Variants in SLC4A4 observed in about 807,000 individuals in gnomAD.
SLC4A4 encodes solute carrier family 4 member 4.
In SLC4A4, 27 loss-of-function variants were observed where a neutral mutation model predicts 111.5. The observed-to-expected ratio is 0.24, with a 90% CI of 0.18 to 0.33. The LOEUF is 0.33. Among genes scored for constraint, SLC4A4 ranks in the 10% least tolerant of loss-of-function variants. The pLI, the probability that SLC4A4 is intolerant of heterozygous loss-of-function variation, is 1.00. For missense variants in SLC4A4, 909 were observed against 1,315.5 expected (o/e 0.69, Z 4.78); for synonymous variants, 443 against 463.4 (o/e 0.96, Z 0.57).
intron 2 of SLC4A4, among the ~76,000 whole-genome samples, chr4:71,164,525 T>A (rs1207273690): frequency 1.4e-5 from 2 of 142,652 alleles, no homozygotes; most frequent in Non-Finnish European, 3.0e-5. Context: ...GTTAGTTTAC[T>A]TTGTGGAAAG....
At chr4:71,134,750 C>T (rs1319353692) in intron 2 of SLC4A4, among the ~76,000 whole-genome samples, 1 of 152,170 alleles carries the variant, frequency 6.6e-6, no homozygotes, top group Admixed American at 6.5e-5. Context: ...TGGTCTTTTG[C>T]AAAGTCCACA....
At position 71,305,759 on chromosome 4, in the gene SLC4A4, G is replaced by C. The variant is rs576094132; in HGVS notation, c.254-33611G>C. On this transcript the variant is annotated intron_variant, in intron 3 of 25. Coordinates refer to ENST00000264485, the MANE Select transcript of SLC4A4 (RefSeq NM_001098484.3). ...ACACTGTACGAGGAATCTAGGAACT[G>C]GAAAAGGAGCTAACACGTGGCGTCT... Among the ~76,000 whole-genome samples the C allele has an allele frequency of 2.0e-5, 3 of 152,298 alleles. No individual in the cohort carries two copies. The East Asian group carries it at 5.8e-4, about 29-fold the overall frequency.
chr4:71,200,852 C>T (rs527538655), intron 1 of SLC4A4, among the ~76,000 whole-genome samples: 3 of 151,638 alleles, frequency 2.0e-5, no homozygotes, highest in Non-Finnish European at 4.4e-5. Context: ...ACACACCCCA[C>T]GAATATCTGG....
chr4:71,314,496 A>G (rs1290564302), intron 3 of SLC4A4, among the ~76,000 whole-genome samples: 1 of 152,198 alleles, frequency 6.6e-6, no homozygotes, highest in Non-Finnish European at 1.5e-5. Context: ...TGTTTACAAT[A>G]GCAACAACTT....
chr4:71,094,900 A>C (rs7654556), intron 2 of SLC4A4, among the ~76,000 whole-genome samples: 59,311 of 151,880 alleles, frequency 0.39, 12,484 homozygotes, highest in African/African-American at 0.57. Context: ...ATATATATAC[A>C]CATCAGTTTT....
At chr4:71,456,399 A>C (rs1726274309) in intron 12 of SLC4A4, among the ~76,000 whole-genome samples, 1 of 152,182 alleles carries the variant, frequency 6.6e-6, no homozygotes, top group South Asian at 2.1e-4. Context: ...ACAAATATTA[A>C]TAGTTTTATA....
chr4:71,148,452 A>C (rs1400734716), intron 2 of SLC4A4, among the ~76,000 whole-genome samples: 1 of 151,964 alleles, frequency 6.6e-6, no homozygotes, highest in Non-Finnish European at 1.5e-5. Context: ...ATATAGGTAA[A>C]CTTGTGTCAT....
intron 2 of SLC4A4, among the ~76,000 whole-genome samples, chr4:71,097,463 T>C (rs1742592269): frequency 2.0e-5 from 3 of 152,226 alleles, no homozygotes; most frequent in African/African-American, 7.2e-5. Context: ...TTTGCTATTG[T>C]GAATAGTGCT....
intron 25 of SLC4A4, 25 bp from the exon 26 acceptor site, chr4:71,567,763 A>G: frequency 9.2e-7 from 1 of 1,086,184 alleles, no homozygotes; most frequent in Non-Finnish European, 1.3e-6. Context: ...TTTACTTACT[A>G]CTTTTTTTTT....
At chr4:71,401,051 A>G (rs1020801581) in intron 7 of SLC4A4, among the ~76,000 whole-genome samples, 2 of 152,164 alleles carry the variant, frequency 1.3e-5, no homozygotes, top group African/African-American at 4.8e-5. Flanking sequence ...CCTGGATACA[A>G]TTTGAACAGT....
In SLC4A4 at chr4:71,497,572, C is replaced by T. The variant is rs1168886745; in HGVS notation, c.2046C>T (p.Val682=). 3.7e-6 allele frequency: 6 copies of T among 1,613,404 alleles called. No individual in the cohort carries two copies. The African/African-American group carries it at 4.0e-5, about 11-fold the overall frequency. The change falls in exon 16 of 26, where the codon GTC becomes GTT. Residue 682 remains valine (V), a synonymous_variant. Transcript: ENST00000264485. ...KECSKYGGNL[V]GNNCNFVPDI... ...GTTCAAAATACGGAGGAAACCTCGT[C>T]GGGAACAACTGTAATTTTGTTCCTG...
At chr4:71,496,688 C>G (rs4589998) in intron 15 of SLC4A4, among the ~76,000 whole-genome samples, 130,877 of 152,046 alleles carry the variant, frequency 0.86, 56,888 homozygotes, top group Non-Finnish European at 0.92. Context: ...CAAAAGGATT[C>G]TCCTATGTAT....
At chr4:71,531,070 A>C (rs1733872518) in intron 16 of SLC4A4, among the ~76,000 whole-genome samples, 1 of 152,122 alleles carries the variant, frequency 6.6e-6, no homozygotes, top group Non-Finnish European at 1.5e-5. Context: ...AACTGAGTAA[A>C]TTCTTGTTGA....
chr4:71,353,769 T>G (rs534596541), intron 5 of SLC4A4, among the ~76,000 whole-genome samples: 1 of 152,328 alleles, frequency 6.6e-6, no homozygotes, highest in South Asian at 2.1e-4. Flanking sequence ...ATAGCAAGCA[T>G]GATTATATCA....
At chr4:71,143,458 A>G (rs2148967596) in intron 2 of SLC4A4, among the ~76,000 whole-genome samples, 1 of 152,276 alleles carries the variant, frequency 6.6e-6, no homozygotes, top group Non-Finnish European at 1.5e-5. Context: ...CTTTGGGTAT[A>G]TACCCAGTAA....
At chr4:71,433,995 T>C (rs1723879447) in intron 7 of SLC4A4, among the ~76,000 whole-genome samples, 1 of 152,002 alleles carries the variant, frequency 6.6e-6, no homozygotes, top group Non-Finnish European at 1.5e-5. Flanking sequence ...TATGATGCAT[T>C]GAGTATGATA....
chr4:71,433,039 A>G (rs1290478888), intron 7 of SLC4A4, among the ~76,000 whole-genome samples: 1 of 152,098 alleles, frequency 6.6e-6, no homozygotes, highest in Non-Finnish European at 1.5e-5. Flanking sequence ...TAATTGTTGA[A>G]TTATTTTCCT....
intron 7 of SLC4A4, among the ~76,000 whole-genome samples, chr4:71,430,629 C>T (rs1257383121): frequency 6.6e-6 from 1 of 152,042 alleles, no homozygotes; most frequent in Non-Finnish European, 1.5e-5. Flanking sequence ...TTGGTGAGTT[C>T]ACAGAACAGA....
Position 71,216,167 on chromosome 4 carries a change from C to G in SLC4A4, c.-1-20409C>G, listed in dbSNP as rs545841037. On this transcript the variant is annotated intron_variant, in intron 1 of 25. Coordinates refer to ENST00000264485, the MANE Select transcript of SLC4A4 (RefSeq NM_001098484.3). ...CAAGTGATCCACCCACCTTGGCCCCCCAATGTGCTGGGATTACAGGCGTGA... is the reference window on the plus strand; with the variant it reads ...CAAGTGATCCACCCACCTTGGCCCCGCAATGTGCTGGGATTACAGGCGTGA... 3.3e-5 allele frequency among the ~76,000 whole-genome samples: 5 copies of G among 152,262 alleles called. No homozygotes were observed. The South Asian group carries it at 8.3e-4, about 25-fold the overall frequency.
Sources: allele counts gnomAD v4.1 joint callset (sites outside exome capture counted in the v4.1 genomes callset), GRCh38; gene constraint gnomAD v4.1.1; transcripts MANE v1.5; gene names NCBI Gene and HGNC (gene_info 2026-07-23, HGNC 2026-07-21).